ADAM19: variants seen among roughly 807,000 people sequenced by gnomAD.
ADAM19 encodes ADAM metallopeptidase domain 19.
In ADAM19, 65 loss-of-function variants were observed where a neutral mutation model predicts 114.7. The ratio of observed to expected loss-of-function variants is 0.57; its 90% CI spans 0.46 to 0.70. The LOEUF (loss-of-function observed/expected upper bound fraction) is 0.70. ADAM19 is among the 30% of genes least tolerant of loss of function. The pLI is 0.00. For synonymous variants in ADAM19, 466 were observed against 460.5 expected (o/e 1.01, Z -0.15); for missense variants, 1,063 against 1,204.7 (o/e 0.88, Z 1.74).
At chr5:157,494,223 T>C (rs11744671) in intron 15 of ADAM19, among the ~76,000 whole-genome samples, 7,662 of 151,360 alleles carry the variant, frequency 0.051, 268 homozygotes, top group Middle Eastern at 0.092. Flanking sequence ...GATGGATAGA[T>C]GGATGGATCA....
chr5:157,492,718 T>C (rs528926459), intron 16 of ADAM19, among the ~76,000 whole-genome samples: 1 of 152,330 alleles, frequency 6.6e-6, no homozygotes, highest in Non-Finnish European at 1.5e-5. Flanking sequence ...TTAATTCCTA[T>C]GATAATTAGC....
At chr5:157,494,246 G>A (rs1755272320) in intron 15 of ADAM19, among the ~76,000 whole-genome samples, 1 of 150,302 alleles carries the variant, frequency 6.7e-6, no homozygotes, top group African/African-American at 2.5e-5. Context: ...GGGTGAGTGG[G>A]TGGTAGATGG....
chr5:157,562,233 C>T (rs1434999712), intron 3 of ADAM19, among the ~76,000 whole-genome samples: 1 of 152,224 alleles, frequency 6.6e-6, no homozygotes, highest in Non-Finnish European at 1.5e-5. Context: ...AGGAAGCCGT[C>T]CCCCAGGGAC....
Position 157,513,472 on chromosome 5 carries a change from T to G in ADAM19, c.700A>C (p.Lys234Gln), listed in dbSNP as rs770409138. 3.7e-6 allele frequency: 6 copies of G among 1,613,994 alleles called. No individual in the cohort carries two copies. The East Asian group carries it at 1.3e-4, about 36-fold the overall frequency. ...QKNRRDQDAT[K>Q]HKLIEIANYV... ...TTGGCGATCTCTATGAGCTTGTGTT[T>G]GGTGGCGTCCTGGTCTCGTCGATTC... The change falls in exon 8 of 23, where the codon AAA becomes CAA. Residue 234 changes from lysine to glutamine, a missense_variant. Lys to Gln is a moderately conservative substitution (Grantham distance 53). Around this residue, in one of 3 missense-constraint regions of ADAM19, gnomAD observed 615 missense variants for 706.3 expected, o/e 0.87. Transcript: ENST00000257527.
Position 157,520,428 on chromosome 5 carries a change from T to A in ADAM19, c.408-397A>T, listed in dbSNP as rs549326429. 6.6e-5 allele frequency among the ~76,000 whole-genome samples: 10 copies of A among 152,114 alleles called. No individual in the cohort carries two copies. The South Asian group carries it at 2.1e-3, about 32-fold the overall frequency. On this transcript the variant is annotated intron_variant, in intron 5 of 22. Transcript: ENST00000257527. ...GGTAGGTCCAGGATTCCAAAAAGCCTCCCAAACCAAAACATGGCATATGAC... is the reference window on the plus strand; with the variant it reads ...GGTAGGTCCAGGATTCCAAAAAGCCACCCAAACCAAAACATGGCATATGAC...
intron 11 of ADAM19, 58 bp from the exon 12 acceptor site, chr5:157,503,038 G>A: frequency 1.3e-6 from 2 of 1,529,384 alleles, no homozygotes; most frequent in East Asian, 2.3e-5. Context: ...AGTCAGGCAG[G>A]TGTCACTCGT....
intron 1 of ADAM19, among the ~76,000 whole-genome samples, chr5:157,572,777 G>A (rs574083490): frequency 3.3e-5 from 5 of 152,166 alleles, no homozygotes; most frequent in Non-Finnish European, 5.9e-5. Context: ...GGACAGGAAC[G>A]GTGGCTCACA....
intron 2 of ADAM19, chr5:157,569,224 A>C (rs1168793007): frequency 7.8e-6 from 1 of 128,002 alleles, no homozygotes; most frequent in Non-Finnish European, 1.6e-5. Flanking sequence ...ACTTGCTTTT[A>C]TTTGTCCTGA....
At chr5:157,549,178 A>G (rs1022463738) in intron 3 of ADAM19, among the ~76,000 whole-genome samples, 5 of 152,294 alleles carry the variant, frequency 3.3e-5, no homozygotes, top group Admixed American at 6.5e-5. Context: ...GTGCACTTCA[A>G]GTATGTTTCC....
intron 5 of ADAM19, among the ~76,000 whole-genome samples, chr5:157,526,161 T>C (rs1165430236): frequency 1.3e-5 from 1 of 75,610 alleles, no homozygotes; most frequent in African/African-American, 7.0e-5. Flanking sequence ...CATATATACA[T>C]ATATATATAT....
intron 1 of ADAM19, among the ~76,000 whole-genome samples, chr5:157,573,529 T>A (rs909739247): frequency 4.1e-4 from 63 of 152,274 alleles, no homozygotes; most frequent in African/African-American, 1.3e-3. Context: ...GCGGATCACC[T>A]GAGGTCAGGA....
At chr5:157,563,250 C>A (rs1017848719) in intron 3 of ADAM19, among the ~76,000 whole-genome samples, 12 of 152,236 alleles carry the variant, frequency 7.9e-5, no homozygotes, top group Admixed American at 7.8e-4. Flanking sequence ...GACTGTGATC[C>A]CCATCTTTCT....
intron 17 of ADAM19, 52 bp downstream of exon 17, chr5:157,491,783 C>T: frequency 1.9e-6 from 3 of 1,612,852 alleles, no homozygotes; most frequent in African/African-American, 1.3e-5. Flanking sequence ...ACCCACAGGG[C>T]CTGCCCTCAT....
At chr5:157,567,843 A>T (rs1230462105) in intron 2 of ADAM19, among the ~76,000 whole-genome samples, 1 of 152,056 alleles carries the variant, frequency 6.6e-6, no homozygotes, top group Non-Finnish European at 1.5e-5. Context: ...ACGACACAGC[A>T]ACAGAGCTAC....
chr5:157,575,087 C>A (rs11465231), intron 1 of ADAM19, among the ~76,000 whole-genome samples: 4,118 of 152,316 alleles, frequency 0.027, 62 homozygotes, highest in Non-Finnish European at 0.044. Context: ...ATCCCCTAGC[C>A]AAGGCTACCA....
intron 21 of ADAM19, among the ~76,000 whole-genome samples, chr5:157,483,831 G>A (rs534530720): frequency 8.9e-4 from 136 of 151,982 alleles, no homozygotes; most frequent in Non-Finnish European, 1.7e-3. Context: ...ACGGGGTTTC[G>A]CCATGTTGGT....
At chr5:157,527,139 G>T (rs1282657588) in intron 5 of ADAM19, among the ~76,000 whole-genome samples, 1 of 152,174 alleles carries the variant, frequency 6.6e-6, no homozygotes, top group Non-Finnish European at 1.5e-5. Context: ...ATGGTGGATG[G>T]CAAAGGGAAA....
In ADAM19 at chr5:157,479,390, T is replaced by C. The variant is rs995937706; in HGVS notation, c.*1559A>G. 7 of 986,098 alleles carry C rather than the reference T, an allele frequency of 7.1e-6. No homozygotes were observed. Among genetic ancestry groups the C allele is most frequent in the Middle Eastern group, 5.2e-4 (1 of 1,916 alleles). 61.1% of individuals were successfully genotyped at this position (986,098 alleles called of 1,614,324 possible). A position where few individuals can be genotyped will look rare whatever the true frequency, so the allele number is the denominator to read the frequency against. On this transcript the variant is annotated 3_prime_UTR_variant, in exon 23 of 23. Coordinates refer to ENST00000257527, the MANE Select transcript of ADAM19 (RefSeq NM_033274.5). ...GTTTTCAAGAGCAAACAATTGCTCA[T>C]GGCAGGATGGGAGGAGGCCCCAGGA... is the stretch of plus-strand genomic sequence containing the variant.
chr5:157,554,819 C>T (rs1022042911), intron 3 of ADAM19, among the ~76,000 whole-genome samples: 1 of 152,166 alleles, frequency 6.6e-6, no homozygotes, highest in Non-Finnish European at 1.5e-5. Flanking sequence ...ATCCCCATCA[C>T]GTAGATGAGA....
Sources: gnomAD v4.1 joint callset for allele counts (sites outside exome capture counted in the v4.1 genomes callset) on GRCh38, gnomAD v4.1.1 for gene constraint, gnomAD v4.1.1 regional missense constraint, MANE v1.5 for transcripts, NCBI Gene and HGNC (gene_info 2026-07-23, HGNC 2026-07-21) for gene names.